The following CLEC16A variants were observed in gnomAD, a reference collection of about 807,000 sequenced individuals.
CLEC16A encodes the protein C-type lectin domain containing 16A.
In CLEC16A, 51 loss-of-function variants were observed where a neutral mutation model predicts 109.5. The observed-to-expected ratio is 0.47, with a 90% CI of 0.37 to 0.59. The LOEUF is 0.59. Among genes scored for constraint, CLEC16A ranks in the 20% least tolerant of loss-of-function variants. The pLI is 0.00. For synonymous variants in CLEC16A, 673 were observed against 564.2 expected (o/e 1.19, Z -2.73); for missense variants, 1,339 against 1,394.0 (o/e 0.96, Z 0.63).
At chr16:10,973,672 A>G (rs1344003385) in intron 7 of CLEC16A, among the ~76,000 whole-genome samples, 1 of 151,350 alleles carries the variant, frequency 6.6e-6, no homozygotes, top group Non-Finnish European at 1.5e-5. Flanking sequence ...AGGTTTAAGC[A>G]TTCCTCCTGC....
At chr16:11,029,911 C>T (rs1462618807) in intron 13 of CLEC16A, among the ~76,000 whole-genome samples, 1 of 152,202 alleles carries the variant, frequency 6.6e-6, no homozygotes, top group African/African-American at 2.4e-5. Flanking sequence ...CCCCAAGTAA[C>T]ACCAGTCTGC....
chr16:10,957,820 C>T lies in CLEC16A; in HGVS notation c.119C>T (p.Thr40Ile), dbSNP rs2042062475. 6.2e-7 allele frequency: 1 copy of T among 1,613,650 alleles called. No homozygotes were observed. The highest frequency in any genetic ancestry group is 8.5e-7 in the Non-Finnish European group (1 of 1,179,694). ...YHVLTKNTTVTEQNRNLLVET... is the reference protein window; with the variant it reads ...YHVLTKNTTVIEQNRNLLVET... ...GTTTTGACCAAAAACACCACAGTCA[C>T]AGAACAGAACCGGAACCTGCTAGTG... The change falls in exon 2 of 24, where the codon ACA (threonine) becomes ATA (isoleucine). Residue 40 changes from threonine to isoleucine, a missense_variant. By Grantham distance (89) the Thr-to-Ile change is moderately conservative. This residue lies in a region of CLEC16A where 117 missense variants were observed against 120.2 expected (regional missense o/e 0.97). Coordinates refer to ENST00000409790, the MANE Select transcript of CLEC16A (RefSeq NM_015226.3).
chr16:11,062,535 A>G (rs1481396311), intron 19 of CLEC16A, among the ~76,000 whole-genome samples: 1 of 152,190 alleles, frequency 6.6e-6, no homozygotes, highest in Non-Finnish European at 1.5e-5. Context: ...GTGACCAAGC[A>G]TAGTGCCTAC....
chr16:11,006,111 G>A (rs17804470), intron 11 of CLEC16A, among the ~76,000 whole-genome samples: 3 of 151,930 alleles, frequency 2.0e-5, no homozygotes, highest in Admixed American at 6.5e-5. Flanking sequence ...CGCTCACATC[G>A]TCCCAGCTTG....
intron 10 of CLEC16A, among the ~76,000 whole-genome samples, chr16:10,983,194 T>C (rs1425741559): frequency 6.6e-6 from 1 of 152,172 alleles, no homozygotes; most frequent in African/African-American, 2.4e-5. Context: ...TGGATTTGAT[T>C]GATTGTGTGT....
At chr16:11,003,850 G>A (rs2044820359) in intron 11 of CLEC16A, among the ~76,000 whole-genome samples, 1 of 151,846 alleles carries the variant, frequency 6.6e-6, no homozygotes, top group Admixed American at 6.6e-5. Context: ...TGATATGCTT[G>A]TAGGCCGAGT....
chr16:11,065,056 A>G (rs2048689007), intron 19 of CLEC16A, among the ~76,000 whole-genome samples: 1 of 152,178 alleles, frequency 6.6e-6, no homozygotes, highest in African/African-American at 2.4e-5. Flanking sequence ...GAGGGGTAAG[A>G]AAGATATAGC....
chr16:11,098,522 G>C (rs12708717), intron 19 of CLEC16A, among the ~76,000 whole-genome samples: 68,741 of 152,074 alleles, frequency 0.45, 15,774 homozygotes, highest in African/African-American at 0.53. Flanking sequence ...GCGTGAGGGC[G>C]TTAGTGTGGC....
At chr16:11,092,084 C>A (rs915487710) in intron 19 of CLEC16A, among the ~76,000 whole-genome samples, 2 of 152,114 alleles carry the variant, frequency 1.3e-5, no homozygotes, top group Non-Finnish European at 2.9e-5. Flanking sequence ...GTGGCTCACG[C>A]CTGTAATTTA....
intron 19 of CLEC16A, among the ~76,000 whole-genome samples, chr16:11,081,094 A>G (rs544067761): frequency 2.1e-4 from 32 of 152,348 alleles, no homozygotes; most frequent in African/African-American, 6.5e-4. Flanking sequence ...ATGAACAGGC[A>G]GGCAGGAGAC....
intron 22 of CLEC16A, among the ~76,000 whole-genome samples, chr16:11,134,741 A>C (rs1418635538): frequency 3.9e-5 from 6 of 152,196 alleles, no homozygotes; most frequent in African/African-American, 7.2e-5. Flanking sequence ...GGATTTTCAG[A>C]TTTGGATTGC....
intron 13 of CLEC16A, among the ~76,000 whole-genome samples, chr16:11,031,968 G>A (rs1027561645): frequency 3.3e-5 from 5 of 152,156 alleles, no homozygotes; most frequent in African/African-American, 1.2e-4. Flanking sequence ...CTCAACATGG[G>A]GACTACAAAC....
At position 11,166,612 on chromosome 16, in the gene CLEC16A, A is replaced by G. The variant is rs1042576663; in HGVS notation, c.2806+60A>G. ...TTGGAGAACCCCGTGATCCCTCACC[A>G]TTACCAAAACCCCTGACCTCCAGGT... On this transcript the variant is annotated intron_variant, in intron 23 of 23. Coordinates refer to ENST00000409790, the MANE Select transcript of CLEC16A (RefSeq NM_015226.3). 13 of 1,474,726 alleles carry G rather than the reference A, an allele frequency of 8.8e-6. No homozygotes were observed. The Admixed American group carries it at 9.0e-5, about 10-fold the overall frequency. The allele number at this position is 1,474,726 out of a possible 1,614,324, so 91.4% of individuals were successfully genotyped here.
intron 2 of CLEC16A, among the ~76,000 whole-genome samples, chr16:10,960,029 C>G (rs1214742022): frequency 6.6e-6 from 1 of 152,084 alleles, no homozygotes; most frequent in African/African-American, 2.4e-5. Context: ...AACAAAGTCC[C>G]TAAGAAAATT....
At chr16:10,984,973 G>A (rs1258483004) in intron 10 of CLEC16A, among the ~76,000 whole-genome samples, 1 of 152,048 alleles carries the variant, frequency 6.6e-6, no homozygotes, top group Non-Finnish European at 1.5e-5. Flanking sequence ...AGGCCGAGGC[G>A]GGCAGATCAC....
intron 10 of CLEC16A, among the ~76,000 whole-genome samples, chr16:10,991,778 G>C (rs542095287): frequency 6.6e-6 from 1 of 152,354 alleles, no homozygotes; most frequent in African/African-American, 2.4e-5. Flanking sequence ...CCTTGAAACT[G>C]GTTTTGCTGC....
chr16:11,172,737 A>G (rs557701026), intron 23 of CLEC16A, among the ~76,000 whole-genome samples: 1 of 152,184 alleles, frequency 6.6e-6, no homozygotes, highest in African/African-American at 2.4e-5. Context: ...AAAAATACAA[A>G]AATTAGCCAG....
At chr16:11,113,103 A>G (rs2051713117) in intron 19 of CLEC16A, among the ~76,000 whole-genome samples, 1 of 152,188 alleles carries the variant, frequency 6.6e-6, no homozygotes, top group African/African-American at 2.4e-5. Context: ...AAGAACTCAC[A>G]CTTGGAAACA....
At chr16:11,112,876 C>T (rs913833559) in intron 19 of CLEC16A, among the ~76,000 whole-genome samples, 15 of 152,160 alleles carry the variant, frequency 9.9e-5, no homozygotes, top group African/African-American at 3.4e-4. Flanking sequence ...GGGCCTGGTT[C>T]CTCCCCAGAA....
Sources: allele counts gnomAD v4.1 joint callset (sites outside exome capture counted in the v4.1 genomes callset), GRCh38; gene constraint gnomAD v4.1.1; regional missense constraint gnomAD v4.1.1; transcripts MANE v1.5; gene names NCBI Gene and HGNC (gene_info 2026-07-23, HGNC 2026-07-21).